The following NAV3 variants were observed in gnomAD, a reference collection of about 807,000 sequenced individuals.
NAV3 encodes the protein neuron navigator 3, also known as pore membrane and/or filament interacting like protein 1.
In NAV3, 87 loss-of-function variants were observed where a neutral mutation model predicts 244.7. That is an observed-to-expected ratio of 0.36 (90% CI 0.30 to 0.42). The LOEUF (loss-of-function observed/expected upper bound fraction) is 0.42, where lower values mean the gene tolerates loss of function less well. NAV3 is among the 20% of genes least tolerant of loss of function. NAV3 has a pLI of 1.00. For synonymous variants in NAV3, 1,126 were observed against 1,042.2 expected (o/e 1.08, Z -1.55); for missense variants, 2,663 against 2,893.3 (o/e 0.92, Z 1.83).
intron 8 of NAV3, among the ~76,000 whole-genome samples, chr12:78,011,921 C>T (rs1305907919): frequency 6.6e-6 from 1 of 152,010 alleles, no homozygotes; most frequent in Non-Finnish European, 1.5e-5. Flanking sequence ...GGGAAACTGC[C>T]ATACACTTTT....
At chr12:77,993,353 C>T (rs1231369783) in intron 5 of NAV3, among the ~76,000 whole-genome samples, 1 of 152,164 alleles carries the variant, frequency 6.6e-6, no homozygotes, top group African/African-American at 2.4e-5. Context: ...CTTTTCCTCA[C>T]TTTGAGTGTT....
At chr12:78,177,941 G>A (rs964373739) in intron 28 of NAV3, among the ~76,000 whole-genome samples, 1 of 151,526 alleles carries the variant, frequency 6.6e-6, no homozygotes, top group African/African-American at 2.4e-5. Context: ...TATCCACCAG[G>A]GGTACTTTCC....
chr12:78,205,009 T>G lies in NAV3; in HGVS notation c.6909T>G (p.Thr2303=). Residue 2303 remains threonine, a synonymous_variant, in exon 39 of 40, where the codon ACT becomes ACG. Transcript: ENST00000397909. ...ACACATATCCATGGAGCTCAGCAAC[T>G]CTGCCTCAGGAGAGCCCAGCCTTAC... ...VLDTYPWSSA[T]LPQESPALLQ... is the part of the protein sequence containing the mutation. 6.2e-7 allele frequency: 1 copy of G among 1,613,640 alleles called. No individual in the cohort carries two copies. Among genetic ancestry groups the G allele is most frequent in the East Asian group, 2.2e-5 (1 of 44,798 alleles).
intron 1 of NAV3, among the ~76,000 whole-genome samples, chr12:77,890,608 G>T (rs1410380748): frequency 6.6e-6 from 1 of 152,094 alleles, no homozygotes; most frequent in Non-Finnish European, 1.5e-5. Context: ...TAAAAATGTA[G>T]TGAGAACCTC....
At chr12:77,905,370 T>A (rs1592958613) in intron 1 of NAV3, among the ~76,000 whole-genome samples, 2 of 152,236 alleles carry the variant, frequency 1.3e-5, no homozygotes, top group Admixed American at 1.3e-4. Flanking sequence ...AGATTTTAGA[T>A]CATTACCTTA....
chr12:77,745,988 T>TAAAAAAAAAAAAA (rs35139297), intron 2 of NAV3, among the ~76,000 whole-genome samples: 3 of 107,574 alleles, frequency 2.8e-5, no homozygotes, highest in African/African-American at 7.5e-5. Flanking sequence ...AGACTTAAGG[T>TAAAAAAAAAAAAA]AAAAAAAAAA....
intron 2 of NAV3, among the ~76,000 whole-genome samples, chr12:77,718,404 T>G (rs1366879411): frequency 6.6e-6 from 1 of 152,164 alleles, no homozygotes; most frequent in Non-Finnish European, 1.5e-5. Flanking sequence ...GATTTATTTC[T>G]GGCCTCTCTA....
intron 2 of NAV3, among the ~76,000 whole-genome samples, chr12:77,657,261 A>T (rs1873161506): frequency 6.6e-6 from 1 of 152,238 alleles, no homozygotes; most frequent in Admixed American, 6.5e-5. Context: ...GCAATAAAAA[A>T]TGCTAAAGGG....
intron 38 of NAV3, among the ~76,000 whole-genome samples, chr12:78,201,069 C>CTTT (rs1959634747): frequency 3.3e-5 from 2 of 61,440 alleles, no homozygotes; most frequent in Admixed American, 2.8e-4. Flanking sequence ...GTTTCTTCTC[C>CTTT]TTCTTTTTTT....
At chr12:78,074,290 C>T (rs1458511720) in intron 12 of NAV3, among the ~76,000 whole-genome samples, 5 of 152,138 alleles carry the variant, frequency 3.3e-5, no homozygotes, top group Non-Finnish European at 4.4e-5. Context: ...AAAATAATAT[C>T]GCAGATTATA....
chr12:78,205,079 A>G lies in NAV3; in HGVS notation c.6979A>G (p.Thr2327Ala). 3 of 1,613,508 alleles carry G rather than the reference A, an allele frequency of 1.9e-6. No individual in the cohort carries two copies. The highest frequency in any genetic ancestry group is 3.3e-4 in the Middle Eastern group (2 of 6,050). The change falls in exon 39 of 40, where the codon ACT becomes GCT. Residue 2327 changes from threonine (T) to alanine (A), a missense_variant. Physicochemically the swap from Thr to Ala is moderately conservative, Grantham distance 58. This residue lies in a region of NAV3 where 543 missense variants were observed against 672.4 expected (regional missense o/e 0.81). Coordinates refer to ENST00000397909, the MANE Select transcript of NAV3 (RefSeq NM_001024383.2). ...EDVGYESCTS[T>A]KEATTSKHIP... ...TGTTGGGTATGAAAGCTGCACATCCACTAAGGAAGCCACAACCTCAAAGCA... is the reference window on the plus strand; with the variant it reads ...TGTTGGGTATGAAAGCTGCACATCCGCTAAGGAAGCCACAACCTCAAAGCA...
intron 12 of NAV3, among the ~76,000 whole-genome samples, chr12:78,092,371 A>C (rs920432498): frequency 6.6e-6 from 1 of 151,822 alleles, no homozygotes; most frequent in Non-Finnish European, 1.5e-5. Flanking sequence ...GTTGATATTG[A>C]GGGAGGGCCA....
chr12:77,645,719 A>G (rs745634526), intron 2 of NAV3, among the ~76,000 whole-genome samples: 61 of 152,140 alleles, frequency 4.0e-4, no homozygotes, highest in South Asian at 6.2e-4. Flanking sequence ...TTTTGTGGTC[A>G]TATCAAGTAA....
At chr12:78,141,376 G>A (rs1956606765) in intron 20 of NAV3, among the ~76,000 whole-genome samples, 1 of 152,154 alleles carries the variant, frequency 6.6e-6, no homozygotes, top group Non-Finnish European at 1.5e-5. Flanking sequence ...TAGGTTAACA[G>A]TGAGGTATAT....
chr12:77,734,099 A>G lies in NAV3; in HGVS notation c.72+161833A>G, dbSNP rs551207090. Among the ~76,000 whole-genome samples the G allele has an allele frequency of 4.6e-5, 7 of 152,160 alleles. No homozygotes were observed. The East Asian group carries it at 1.4e-3, about 29-fold the overall frequency. On this transcript the variant is annotated intron_variant, in intron 2 of 8. Transcript: ENST00000550042. ...AAAGAAATAATGGAGGAACATTTCA[A>G]TGGGATAGCATCCAGAGTACAGACT...
chr12:77,943,617 T>G (rs1428949507), intron 3 of NAV3, among the ~76,000 whole-genome samples: 1 of 152,260 alleles, frequency 6.6e-6, no homozygotes, highest in Non-Finnish European at 1.5e-5. Context: ...TATGATAGCA[T>G]GACTAGGCTT....
At chr12:77,824,383 G>A (rs1872881631) in intron 2 of NAV3, among the ~76,000 whole-genome samples, 1 of 150,938 alleles carries the variant, frequency 6.6e-6, no homozygotes, top group African/African-American at 2.4e-5. Flanking sequence ...ATGCGCCACT[G>A]CGCCCGGCCG....
chr12:77,901,868 G>C lies in NAV3; in HGVS notation c.244-38451G>C, dbSNP rs191582085. Among the ~76,000 whole-genome samples the C allele has an allele frequency of 3.3e-5, 5 of 152,192 alleles. No individual in the cohort carries two copies. The East Asian group carries it at 9.7e-4, about 30-fold the overall frequency. On this transcript the variant is annotated intron_variant, in intron 1 of 39. Coordinates refer to ENST00000397909, the MANE Select transcript of NAV3 (RefSeq NM_001024383.2). ...CTGTTTGGAGTCCCCAAATTTGCTT[G>C]GATATGCAGCTCTGAGATGCCCCAG...
intron 1 of NAV3, among the ~76,000 whole-genome samples, chr12:77,895,234 A>G (rs868345305): frequency 6.6e-6 from 1 of 152,112 alleles, no homozygotes; most frequent in Non-Finnish European, 1.5e-5. Context: ...TCAACAAAGG[A>G]AGATAGAAGG....
Sources: gnomAD v4.1 joint callset for allele counts (sites outside exome capture counted in the v4.1 genomes callset) on GRCh38, gnomAD v4.1.1 for gene constraint, gnomAD v4.1.1 regional missense constraint, MANE v1.5 for transcripts, NCBI Gene and HGNC (gene_info 2026-07-23, HGNC 2026-07-21) for gene names.